The following PLEKHA2 variants were observed in gnomAD, a reference collection of about 807,000 sequenced individuals.
PLEKHA2 encodes pleckstrin homology domain containing A2.
Under a neutral mutation model 53.2 loss-of-function variants are expected in PLEKHA2, and 28 were observed. The ratio of observed to expected loss-of-function variants is 0.53; its 90% confidence interval spans 0.39 to 0.72. The LOEUF (loss-of-function observed/expected upper bound fraction) is 0.72. PLEKHA2 is among the 30% of genes least tolerant of loss of function. The pLI, the probability that PLEKHA2 is intolerant of heterozygous loss-of-function variation, is 0.00. For missense variants in PLEKHA2, 426 were observed against 537.9 expected, an observed-to-expected ratio of 0.79 and a Z score of 2.06; for synonymous variants, 193 against 196.4, an observed-to-expected ratio of 0.98 and a Z score of 0.14.
At position 38,943,853 on chromosome 8, in the gene PLEKHA2, G is replaced by A; in HGVS notation, c.247+16G>A. 6.4e-7 allele frequency: 1 copy of A among 1,566,662 alleles called. No homozygotes were observed. The highest frequency in any genetic ancestry group is 8.6e-7 in the Non-Finnish European group (1 of 1,156,278). On this transcript the variant is annotated intron_variant, in intron 4 of 11. Coordinates refer to ENST00000617275, the MANE Select transcript of PLEKHA2 (RefSeq NM_021623.2). ...TTTTGCTTTGGTAAGTACTGAGCCA[G>A]GGGAGGGACTCATTTAATATTGACA...
intron 1 of PLEKHA2, among the ~76,000 whole-genome samples, chr8:38,912,824 T>A (rs1272001257): frequency 1.3e-5 from 2 of 152,118 alleles, no homozygotes; most frequent in Admixed American, 1.3e-4. Context: ...GATGCTCTGT[T>A]CTCCTGCAGC....
chr8:38,958,420 G>A (rs951588399), intron 10 of PLEKHA2, among the ~76,000 whole-genome samples: 10 of 152,188 alleles, frequency 6.6e-5, no homozygotes, highest in Admixed American at 5.9e-4. Flanking sequence ...TCAAGCTCCC[G>A]CTGCCCTTTC....
intron 2 of PLEKHA2, among the ~76,000 whole-genome samples, chr8:38,931,186 G>A (rs1205954396): frequency 2.0e-5 from 3 of 152,154 alleles, no homozygotes; most frequent in Admixed American, 6.5e-5. Flanking sequence ...GCTGAGGCAC[G>A]AGAATTGCTT....
At chr8:38,935,271 A>C (rs1834472096) in intron 2 of PLEKHA2, among the ~76,000 whole-genome samples, 1 of 152,058 alleles carries the variant, frequency 6.6e-6, no homozygotes, top group Non-Finnish European at 1.5e-5. Flanking sequence ...AGCCTTCCAA[A>C]GTGCTGGGAT....
At chr8:38,920,345 G>T (rs528582322) in intron 2 of PLEKHA2, among the ~76,000 whole-genome samples, 1 of 151,978 alleles carries the variant, frequency 6.6e-6, no homozygotes, top group Non-Finnish European at 1.5e-5. Flanking sequence ...TAGTAGAGAC[G>T]GGGTTTCACT....
chr8:38,942,453 C>A (rs565279174), intron 3 of PLEKHA2, among the ~76,000 whole-genome samples: 52 of 152,082 alleles, frequency 3.4e-4, no homozygotes, highest in South Asian at 4.2e-4. Context: ...AAAGAAAACC[C>A]AAAAAAACCC....
At position 38,972,558 on chromosome 8, in the gene PLEKHA2, TC is replaced by T. The variant is rs1358038402; in HGVS notation, c.*2777del. 6.6e-6 allele frequency: 1 copy of T among 152,226 alleles called. No individual in the cohort carries two copies. Among genetic ancestry groups the T allele is most frequent in the African/African-American group, 2.4e-5 (1 of 41,446 alleles). 9.4% of individuals were successfully genotyped at this position (152,226 alleles called of 1,614,324 possible). A position where few individuals can be genotyped will look rare whatever the true frequency, so the allele number is the denominator to read the frequency against. On this transcript the variant is annotated 3_prime_UTR_variant, in exon 12 of 12. Transcript: ENST00000617275. ...GAAACAAGCTCTAAAAGCATTCCATTCCTAAATTGTATTTCAAACTTCCTAT... is the reference window on the plus strand; with the variant it reads ...GAAACAAGCTCTAAAAGCATTCCATTCTAAATTGTATTTCAAACTTCCTAT...
At chr8:38,951,957 C>T (rs564657544) in intron 6 of PLEKHA2, among the ~76,000 whole-genome samples, 1 of 152,220 alleles carries the variant, frequency 6.6e-6, no homozygotes, top group African/African-American at 2.4e-5. Flanking sequence ...ACTGTGTTGT[C>T]CAGTCTGGTC....
chr8:38,908,472 T>C (rs553771936), intron 1 of PLEKHA2, among the ~76,000 whole-genome samples: 2 of 152,300 alleles, frequency 1.3e-5, no homozygotes, highest in East Asian at 3.9e-4. Flanking sequence ...AATTGAGAAA[T>C]TTATTATCAG....
chr8:38,903,203 T>A (rs2152362763), intron 1 of PLEKHA2, among the ~76,000 whole-genome samples: 1 of 152,378 alleles, frequency 6.6e-6, no homozygotes, highest in Middle Eastern at 3.4e-3. Context: ...CCTTTACACC[T>A]AAGTATCCTT....
intron 7 of PLEKHA2, 62 bp from the exon 8 acceptor site, chr8:38,952,574 T>C: frequency 6.5e-7 from 1 of 1,530,222 alleles, no homozygotes; most frequent in South Asian, 1.1e-5. Context: ...TTAGCATGAG[T>C]ACACCCTCCA....
chr8:38,971,762 T>C lies in PLEKHA2; in HGVS notation c.*1979T>C, dbSNP rs1835253413. ...CGAGGTCAGGAGATCGAGACCGCGG[T>C]GAAACCCCGTCTCTACTAAAAATAC... On this transcript the variant is annotated 3_prime_UTR_variant, in exon 12 of 12. Coordinates refer to ENST00000617275, the MANE Select transcript of PLEKHA2 (RefSeq NM_021623.2). The C allele has an allele frequency of 6.6e-6, 1 of 152,102 alleles. No homozygotes were observed. Among genetic ancestry groups the C allele is most frequent in the Admixed American group, 6.5e-5 (1 of 15,272 alleles). The allele number at this position is 152,102 out of a possible 1,614,324, so 9.4% of individuals were successfully genotyped here.
intron 10 of PLEKHA2, chr8:38,960,958 G>C (rs1835030603): frequency 6.6e-6 from 1 of 152,116 alleles, no homozygotes; most frequent in Non-Finnish European, 1.5e-5. Context: ...TTGGTCATTT[G>C]GAAAACAATG....
At chr8:38,917,866 C>G in intron 1 of PLEKHA2, 41 bp from the exon 2 acceptor site, 5 of 1,583,908 alleles carry the variant, frequency 3.2e-6, no homozygotes, top group Non-Finnish European at 4.3e-6. Flanking sequence ...GGCAGAGCTG[C>G]TTCATCTTCC....
At chr8:38,918,662 C>T (rs771478143) in intron 2 of PLEKHA2, among the ~76,000 whole-genome samples, 17 of 134,906 alleles carry the variant, frequency 1.3e-4, no homozygotes, top group Non-Finnish European at 1.8e-4. Flanking sequence ...CATACACACA[C>T]CCCCATACAC....
At chr8:38,915,246 T>G (rs867882426) in intron 1 of PLEKHA2, among the ~76,000 whole-genome samples, 7 of 152,366 alleles carry the variant, frequency 4.6e-5, no homozygotes, top group Middle Eastern at 6.8e-3. Context: ...GCACCCAGCC[T>G]GGGACTTTGT....
intron 1 of PLEKHA2, among the ~76,000 whole-genome samples, chr8:38,911,298 A>G (rs7826908): frequency 0.66 from 99,566 of 151,336 alleles, 32,795 homozygotes; most frequent in Admixed American, 0.71. Flanking sequence ...GTGCAGTGGC[A>G]TGATCTCGGC....
intron 1 of PLEKHA2, among the ~76,000 whole-genome samples, chr8:38,913,129 C>T (rs1003533351): frequency 4.6e-5 from 7 of 152,044 alleles, no homozygotes; most frequent in African/African-American, 1.2e-4. Context: ...TTTGGGAGGC[C>T]GAGGCTGGTG....
intron 10 of PLEKHA2, chr8:38,960,984 G>A (rs1835030901): frequency 6.6e-6 from 1 of 152,176 alleles, no homozygotes; most frequent in South Asian, 2.1e-4. Context: ...ACTGAGGTAT[G>A]CAGATATTCA....
Sources: allele counts gnomAD v4.1 joint callset (sites outside exome capture counted in the v4.1 genomes callset), GRCh38; gene constraint gnomAD v4.1.1; transcripts MANE v1.5; gene names NCBI Gene and HGNC (gene_info 2026-07-23, HGNC 2026-07-21).